The following ATP2C1 variants were observed in gnomAD, a reference collection of about 807,000 sequenced individuals.
The protein encoded by ATP2C1 is ATPase secretory pathway Ca2+ transporting 1.
In ATP2C1, 31 loss-of-function variants were observed where a neutral mutation model predicts 120.5. The ratio of observed to expected loss-of-function variants is 0.26; its 90% confidence interval spans 0.19 to 0.35. ATP2C1 has a LOEUF of 0.35. Ranked by LOEUF, ATP2C1 falls within the 10% of genes least tolerant of loss-of-function variation. ATP2C1 has a pLI of 1.00. For missense variants in ATP2C1, 731 were observed against 1,107.5 expected (o/e 0.66, Z 4.83); for synonymous variants, 351 against 358.7 (o/e 0.98, Z 0.24).
chr3:130,923,535 CTG>C (rs959326854), intron 2 of ATP2C1, among the ~76,000 whole-genome samples: 6 of 147,372 alleles, frequency 4.1e-5, no homozygotes, highest in African/African-American at 1.5e-4. Flanking sequence ...CCTTTTTTAA[CTG>C]TTGTTGCTTT....
chr3:131,003,741 C>CAA (rs2062996843), downstream of ATP2C1, among the ~76,000 whole-genome samples: 1 of 152,096 alleles, frequency 6.6e-6, no homozygotes, highest in African/African-American at 2.4e-5. Flanking sequence ...CCTGCCATGC[C>CAA]CATGTAGGGT....
chr3:130,919,277 T>G (rs543495077), intron 2 of ATP2C1, among the ~76,000 whole-genome samples: 1 of 151,348 alleles, frequency 6.6e-6, no homozygotes, highest in Admixed American at 6.6e-5. Context: ...GAGGCTAGAG[T>G]GCAATGGCGC....
intron 7 of ATP2C1, 75 bp from the exon 8 acceptor site, chr3:130,941,516 C>T (rs558950054): frequency 8.0e-7 from 1 of 1,251,834 alleles, no homozygotes; most frequent in East Asian, 2.3e-5. Flanking sequence ...GACAAGCCTA[C>T]TGGAAATAAT....
chr3:130,944,760 A>C (rs1390512695), intron 8 of ATP2C1, among the ~76,000 whole-genome samples: 1 of 152,204 alleles, frequency 6.6e-6, no homozygotes, highest in Non-Finnish European at 1.5e-5. Context: ...TCAGGTTTTC[A>C]GAAGCCAGTG....
chr3:130,907,118 T>G (rs990743300), intron 2 of ATP2C1, among the ~76,000 whole-genome samples: 1 of 151,942 alleles, frequency 6.6e-6, no homozygotes, highest in Non-Finnish European at 1.5e-5. Flanking sequence ...TTATTCTGGA[T>G]ACTGGATAGG....
At chr3:130,957,578 T>G (rs1198826087) in intron 11 of ATP2C1, among the ~76,000 whole-genome samples, 1 of 152,124 alleles carries the variant, frequency 6.6e-6, no homozygotes, top group Admixed American at 6.6e-5. Flanking sequence ...TGGAGTCTCA[T>G]TCTTGTTGCT....
At chr3:130,902,284 GTTTTTTTTT>G (rs1157956407) in intron 2 of ATP2C1, among the ~76,000 whole-genome samples, 1 of 65,504 alleles carries the variant, frequency 1.5e-5, no homozygotes, top group African/African-American at 5.6e-5. Context: ...AAGGCTTCAC[GTTTTTTTTT>G]TTTGTTTTTT....
chr3:130,902,914 C>G (rs181785036), intron 2 of ATP2C1, among the ~76,000 whole-genome samples: 2 of 152,102 alleles, frequency 1.3e-5, no homozygotes, highest in Non-Finnish European at 2.9e-5. Flanking sequence ...CCTTAGTGAT[C>G]TATTCCAGTC....
At chr3:131,006,635 TTGTGTGTGTG>T (rs3073260), downstream of ATP2C1, among the ~76,000 whole-genome samples, 17,858 of 147,060 alleles carry the variant, frequency 0.12, 1,214 homozygotes, top group Non-Finnish European at 0.15. Context: ...TAGTGTGTGT[TTGTGTGTGTG>T]TGTGTGTGTG....
chr3:130,879,380 T>C (rs1017428653), intron 1 of ATP2C1, among the ~76,000 whole-genome samples: 1 of 152,174 alleles, frequency 6.6e-6, no homozygotes, highest in African/African-American at 2.4e-5. Context: ...ATTTCTGTTT[T>C]TTTCTCTTTT....
intron 26 of ATP2C1, among the ~76,000 whole-genome samples, chr3:131,010,101 G>A (rs1208267703): frequency 6.6e-6 from 1 of 151,912 alleles, no homozygotes; most frequent in Admixed American, 6.6e-5. Context: ...TTAGGATTAT[G>A]GAGTAGGGCC....
rs572337234 is a variant in ATP2C1 at position 130,871,013 on chromosome 3, T to A, written c.108+20085T>A. On this transcript the variant is annotated intron_variant, in intron 1 of 26. Coordinates refer to the ATP2C1 transcript ENST00000504381. Reference sequence around the variant, plus strand: ...AATAGCCATTAACGTCAAGGCGAGATCCCCTACCAGCCAAAATATTATGAC... The same window carrying A: ...AATAGCCATTAACGTCAAGGCGAGAACCCCTACCAGCCAAAATATTATGAC... 2.6e-5 allele frequency among the ~76,000 whole-genome samples: 4 copies of A among 152,320 alleles called. No homozygotes were observed. In the South Asian group the frequency reaches 8.3e-4, roughly 32 times the overall value.
chr3:130,892,245 C>T (rs2685186), upstream of ATP2C1, among the ~76,000 whole-genome samples: 27,411 of 152,152 alleles, frequency 0.18, 2,585 homozygotes, highest in Middle Eastern at 0.25. Flanking sequence ...TTTGTAAATG[C>T]ATATGTTAAT....
In ATP2C1 at chr3:130,874,146, GA is replaced by G. The variant is rs1158885831; in HGVS notation, c.108+23225del. Among the ~76,000 whole-genome samples the G allele has an allele frequency of 9.3e-5, 14 of 150,678 alleles. 2 individuals are homozygous for G. The highest frequency in any genetic ancestry group is 7.9e-4 in the Admixed American group (12 of 15,152). ...AGAAAAAAAGAAAAAGAAAAGATAA[GA>G]AAAAAATCTAGTGCCCAGGGCATGC... On this transcript the variant is annotated intron_variant, in intron 1 of 26. Coordinates refer to the ATP2C1 transcript ENST00000504381.
At chr3:130,991,019 A>G (rs2062311448) in intron 20 of ATP2C1, among the ~76,000 whole-genome samples, 1 of 152,138 alleles carries the variant, frequency 6.6e-6, no homozygotes, top group African/African-American at 2.4e-5. Context: ...AAATGCATTC[A>G]AAAAAATGCA....
At chr3:130,876,708 T>C (rs889284440) in intron 1 of ATP2C1, among the ~76,000 whole-genome samples, 2 of 152,166 alleles carry the variant, frequency 1.3e-5, no homozygotes, top group African/African-American at 2.4e-5. Context: ...TTGAGTAATA[T>C]GGTCATTTTA....
rs1177652214 is a variant in ATP2C1, at chr3:130,993,046, G to A, written c.1890+45G>A. 3 of 1,521,208 alleles carry A rather than the reference G, an allele frequency of 2.0e-6. No individual in the cohort carries two copies. The East Asian group carries it at 6.8e-5, about 34-fold the overall frequency. The allele number at this position is 1,521,208 out of a possible 1,614,324, so 94.2% of individuals were successfully genotyped here. A position where few individuals can be genotyped will look rare whatever the true frequency, so the allele number is the denominator to read the frequency against. ...ATTGTTTTATTTCTGTATACAAAAT[G>A]CTGCTACTTTACTTTTGTTATGTTT... On this transcript the variant is annotated intron_variant, in intron 21 of 27. Coordinates refer to ENST00000510168, the MANE Select transcript of ATP2C1 (RefSeq NM_001378687.1).
chr3:130,933,564 T>C (rs548801710), intron 4 of ATP2C1, among the ~76,000 whole-genome samples: 1 of 152,332 alleles, frequency 6.6e-6, no homozygotes, highest in Non-Finnish European at 1.5e-5. Flanking sequence ...GTACTCTGAC[T>C]CAGTCAGGTT....
At chr3:131,015,446 T>C (rs2063571874) in intron 26 of ATP2C1, among the ~76,000 whole-genome samples, 1 of 152,234 alleles carries the variant, frequency 6.6e-6, no homozygotes, top group African/African-American at 2.4e-5. Flanking sequence ...ACCCTACTGC[T>C]GCTGTCACTT....
Sources: gnomAD v4.1 joint callset for allele counts (sites outside exome capture counted in the v4.1 genomes callset) on GRCh38, gnomAD v4.1.1 for gene constraint, MANE v1.5 for transcripts, NCBI Gene and HGNC (gene_info 2026-07-23, HGNC 2026-07-21) for gene names.